ASH1L: variants seen among roughly 807,000 people sequenced by gnomAD.
ASH1L encodes the protein ASH1 like histone lysine methyltransferase, also known as histone-lysine N-methyltransferase ASH1L.
Under a neutral mutation model 269.0 loss-of-function variants are expected in ASH1L, and 23 were observed. The observed-to-expected ratio is 0.09, with a 90% CI of 0.06 to 0.12. The LOEUF is 0.12. ASH1L is among the 10% of genes least tolerant of loss of function. The pLI is 1.00. For missense variants in ASH1L, 2,912 were observed against 3,567.8 expected, an observed-to-expected ratio of 0.82 and a Z score of 4.68; for synonymous variants, 1,187 against 1,253.5, an observed-to-expected ratio of 0.95 and a Z score of 1.12.
chr1:155,461,771 G>C (rs891075810), intron 3 of ASH1L, among the ~76,000 whole-genome samples: 1 of 149,902 alleles, frequency 6.7e-6, no homozygotes, highest in African/African-American at 2.4e-5. Context: ...CCTGATCATG[G>C]ATTAAGTACT....
At chr1:155,550,663 T>G (rs1671133271) in intron 1 of ASH1L, among the ~76,000 whole-genome samples, 1 of 152,178 alleles carries the variant, frequency 6.6e-6, no homozygotes, top group Admixed American at 6.5e-5. Context: ...CTACCCAACA[T>G]CCCTTACCTT....
chr1:155,349,277 T>G (rs1255305984), intron 19 of ASH1L, 50 bp downstream of exon 19: 1 of 1,582,392 alleles, frequency 6.3e-7, no homozygotes, highest in African/African-American at 1.4e-5. Flanking sequence ...TCTAGACTAA[T>G]TCTTTTCAGA....
chr1:155,366,217 C>T (rs943307750), intron 12 of ASH1L, among the ~76,000 whole-genome samples: 4 of 152,154 alleles, frequency 2.6e-5, no homozygotes, highest in South Asian at 2.1e-4. Flanking sequence ...GACATCTGGG[C>T]GTCCTCACTA....
chr1:155,481,212 C>T lies in ASH1L; in HGVS notation c.1658G>A (p.Ser553Asn), dbSNP rs1241387057. The T allele has an allele frequency of 8.1e-6, 13 of 1,614,022 alleles. No homozygotes were observed. Among genetic ancestry groups the T allele is most frequent in the Admixed American group, 3.3e-5 (2 of 60,020 alleles). Reference protein sequence around the residue: ...AKSPFSAVGESNLPSPSPTVS... With the variant: ...AKSPFSAVGENNLPSPSPTVS... ...AGTAGGTGATGGGGAAGGGAGATTG[C>T]TTTCTCCTACTGCACTGAATGGGGA... Residue 553 changes from serine (S) to asparagine (N), a missense_variant, in exon 3 of 28, where the codon AGC (serine) becomes AAC (asparagine). Ser to Asn is a conservative substitution (Grantham distance 46). This residue lies in a region of ASH1L where 715 missense variants were observed against 721.0 expected (regional missense o/e 0.99). Transcript: ENST00000392403.
rs541431154 is a variant in ASH1L at position 155,370,447 on chromosome 1, C to T, written c.6686+57G>A. 7.5e-6 allele frequency: 12 copies of T among 1,603,924 alleles called. No homozygotes were observed. In the South Asian group the frequency reaches 1.2e-4, roughly 16 times the overall value. On this transcript the variant is annotated intron_variant, in intron 12 of 27. Transcript: ENST00000392403. ...TGACACTGGAAAGATCAATCCCTTG[C>T]TGCACTCAATGCTTATTCTGCTGGA...
chr1:155,350,975 C>T (rs1272131027), intron 17 of ASH1L, among the ~76,000 whole-genome samples: 1 of 150,640 alleles, frequency 6.6e-6, no homozygotes, highest in African/African-American at 2.4e-5. Context: ...CGATGGCACA[C>T]GCCTATAATC....
At chr1:155,454,276 A>T (rs1346645457) in intron 4 of ASH1L, among the ~76,000 whole-genome samples, 1 of 152,238 alleles carries the variant, frequency 6.6e-6, no homozygotes, top group Non-Finnish European at 1.5e-5. Context: ...AGGTTACATG[A>T]TATTGCTAAA....
rs542822398 is a variant in ASH1L at position 155,440,193 on chromosome 1, A to G, written c.5087-1125T>C. 4.6e-5 allele frequency among the ~76,000 whole-genome samples: 7 copies of G among 152,164 alleles called. No individual in the cohort carries two copies. The South Asian group carries it at 1.5e-3, about 32-fold the overall frequency. Reference sequence around the variant, plus strand: ...TGTGGTTTCCTGTACCCGTAGTCCTATCTACTCAGGAGGCTGAGGCGGGTG... The same window carrying G: ...TGTGGTTTCCTGTACCCGTAGTCCTGTCTACTCAGGAGGCTGAGGCGGGTG... On this transcript the variant is annotated intron_variant, in intron 4 of 27. Coordinates refer to ENST00000392403, the MANE Select transcript of ASH1L (RefSeq NM_018489.3).
chr1:155,554,069 T>C (rs1671407839), intron 1 of ASH1L, among the ~76,000 whole-genome samples: 1 of 151,132 alleles, frequency 6.6e-6, no homozygotes, highest in Non-Finnish European at 1.5e-5. Flanking sequence ...TGTAAGCCAC[T>C]GCGCCCGGCC....
intron 6 of ASH1L, among the ~76,000 whole-genome samples, chr1:155,412,179 T>C (rs1331087024): frequency 2.0e-5 from 3 of 150,316 alleles, no homozygotes; most frequent in Admixed American, 6.6e-5. Flanking sequence ...GAGGTGGAGG[T>C]TGCAGTGAGC....
chr1:155,441,722 T>TC (rs1662590247), intron 4 of ASH1L, among the ~76,000 whole-genome samples: 2 of 150,594 alleles, frequency 1.3e-5, no homozygotes, highest in South Asian at 4.2e-4. Context: ...CGCCTCGGCC[T>TC]CCCAAAGTGC....
At chr1:155,371,054 T>G (rs940034096) in intron 10 of ASH1L, 71 bp from the exon 11 acceptor site, 4 of 1,341,828 alleles carry the variant, frequency 3.0e-6, no homozygotes, top group Non-Finnish European at 4.1e-6. Flanking sequence ...TTTTAAATTT[T>G]ACAAACATTT....
chr1:155,536,263 T>G (rs2148879158), intron 1 of ASH1L, among the ~76,000 whole-genome samples: 1 of 152,208 alleles, frequency 6.6e-6, no homozygotes, highest in Non-Finnish European at 1.5e-5. Flanking sequence ...ACTGAATGAG[T>G]ACGCAGACTG....
rs199571875 is a variant in ASH1L at position 155,478,716 on chromosome 1, G to C, written c.4154C>G (p.Pro1385Arg). The C allele has an allele frequency of 6.2e-7, 1 of 1,613,898 alleles. No homozygotes were observed. The highest frequency in any genetic ancestry group is 2.2e-5 in the East Asian group (1 of 44,860). ...AGCTGTAAGGGGTGAAGGAGAGTAA[G>C]GCATACCATAAGATGGATAGAATCC... is the stretch of plus-strand genomic sequence containing the variant. ...STGFYPSYGM[P>R]YSPSPLTAAP... The change falls in exon 3 of 28, where the codon CCT becomes CGT. Residue 1385 changes from proline to arginine, a missense_variant. Pro to Arg is a moderately radical substitution (Grantham distance 103). Around this residue, in one of 13 missense-constraint regions of ASH1L, gnomAD observed 789 missense variants for 897.6 expected, o/e 0.88. Transcript: ENST00000392403. This position sits in a 1 kb window ranked among gnomAD's most constrained non-coding sequence, Gnocchi z 4.6.
intron 24 of ASH1L, among the ~76,000 whole-genome samples, chr1:155,342,736 T>C (rs1337719255): frequency 1.3e-5 from 2 of 152,222 alleles, no homozygotes; most frequent in Admixed American, 6.5e-5. Flanking sequence ...GGGAAACTGA[T>C]ACTTAGATTA....
chr1:155,478,152 G>A lies in ASH1L; in HGVS notation c.4718C>T (p.Thr1573Ile), dbSNP rs79294821. 2.5e-5 allele frequency: 41 copies of A among 1,614,084 alleles called. No homozygotes were observed. The East Asian group carries it at 7.8e-4, about 31-fold the overall frequency. ...TTCTGAACAGTCAATCTGTAAAGGT[G>A]TCTGCAATCCCAAGGCCAATGGACT... ...ESSPLALGLQTPLQIDCSESS... is the reference protein window; with the variant it reads ...ESSPLALGLQIPLQIDCSESS... The change falls in exon 3 of 28, where the codon ACA becomes ATA. Residue 1573 changes from threonine to isoleucine, a missense_variant. By Grantham distance (89) the Thr-to-Ile change is moderately conservative. This residue lies in a region of ASH1L where 789 missense variants were observed against 897.6 expected (regional missense o/e 0.88). Transcript: ENST00000392403. This position sits in a 1 kb window ranked among gnomAD's most constrained non-coding sequence, Gnocchi z 4.6.
chr1:155,538,346 T>TTTTGTTTG (rs545244646), intron 1 of ASH1L, among the ~76,000 whole-genome samples: 2 of 146,306 alleles, frequency 1.4e-5, no homozygotes, highest in Non-Finnish European at 3.0e-5. Context: ...CCTGGCGTTT[T>TTTTGTTTG]TTTGTTTGTT....
intron 2 of ASH1L, among the ~76,000 whole-genome samples, chr1:155,489,302 T>C (rs1020147181): frequency 2.6e-5 from 4 of 151,350 alleles, no homozygotes; most frequent in African/African-American, 7.3e-5. Context: ...GAAAACACCA[T>C]CTCTACTAAA....
chr1:155,559,940 A>C (rs576096785), intron 1 of ASH1L, among the ~76,000 whole-genome samples: 5 of 152,340 alleles, frequency 3.3e-5, no homozygotes, highest in African/African-American at 9.6e-5. Context: ...ACTGACAAAG[A>C]ACAAAGCCAT....
Sources: allele counts gnomAD v4.1 joint callset (sites outside exome capture counted in the v4.1 genomes callset), GRCh38; gene constraint gnomAD v4.1.1; regional missense constraint gnomAD v4.1.1; non-coding constraint Gnocchi (gnomAD v3.1); transcripts MANE v1.5; gene names NCBI Gene and HGNC (gene_info 2026-07-23, HGNC 2026-07-21).